Variants in SEMA6D observed in about 807,000 individuals in gnomAD.
SEMA6D encodes semaphorin-6D.
SEMA6D carries 35 observed loss-of-function variants against 106.6 expected under a neutral mutation model. That is an observed-to-expected ratio of 0.33 (90% CI 0.25 to 0.44). The LOEUF (loss-of-function observed/expected upper bound fraction) is 0.44, where lower values mean the gene tolerates loss of function less well. Ranked by LOEUF, SEMA6D falls within the 20% of genes least tolerant of loss-of-function variation. The pLI is 1.00. For synonymous variants in SEMA6D, 499 were observed against 487.7 expected (o/e 1.02, Z -0.31); for missense variants, 1,185 against 1,345.9 (o/e 0.88, Z 1.87).
chr15:47,251,647 A>T (rs1362452884), intron 1 of SEMA6D, among the ~76,000 whole-genome samples: 2 of 152,166 alleles, frequency 1.3e-5, no homozygotes, highest in Non-Finnish European at 2.9e-5. Context: ...ATAAAAGTTC[A>T]AGTCATCCAA....
intron 4 of SEMA6D, among the ~76,000 whole-genome samples, chr15:47,672,884 G>A (rs2145424928): frequency 6.6e-6 from 1 of 152,180 alleles, no homozygotes; most frequent in South Asian, 2.1e-4. Context: ...AATGATATTT[G>A]GAAATGTTCC....
intron 4 of SEMA6D, chr15:47,603,441 G>C (rs2076706072): frequency 2.0e-5 from 3 of 152,106 alleles, no homozygotes; most frequent in Admixed American, 1.3e-4. Flanking sequence ...TGTGGGAGCG[G>C]AGCAGAGAAA....
intron 4 of SEMA6D, among the ~76,000 whole-genome samples, chr15:47,712,263 A>C (rs74759441): frequency 6.6e-6 from 1 of 152,158 alleles, no homozygotes; most frequent in African/African-American, 2.4e-5. Context: ...GGGTTTTTAC[A>C]TTTATTTCCT....
intron 1 of SEMA6D, among the ~76,000 whole-genome samples, chr15:47,385,077 C>G (rs1380069842): frequency 9.8e-6 from 1 of 101,996 alleles, no homozygotes. Context: ...CCATAGAACT[C>G]ATAAGGCAGC....
chr15:47,409,816 A>G (rs2040723100), intron 1 of SEMA6D, among the ~76,000 whole-genome samples: 1 of 151,426 alleles, frequency 6.6e-6, no homozygotes, highest in African/African-American at 2.4e-5. Flanking sequence ...CAAGCCCTGG[A>G]CATGCTGGGA....
intron 1 of SEMA6D, among the ~76,000 whole-genome samples, chr15:47,289,348 C>T (rs1029697138): frequency 2.2e-5 from 3 of 134,260 alleles, no homozygotes; most frequent in Admixed American, 8.6e-5. Flanking sequence ...GGGCCAAGAT[C>T]GTGCCACTGC....
intron 1 of SEMA6D, among the ~76,000 whole-genome samples, chr15:47,394,694 T>TA (rs1313391013): frequency 2.0e-5 from 3 of 152,230 alleles, no homozygotes; most frequent in Non-Finnish European, 4.4e-5. Flanking sequence ...CAGTCTTCAC[T>TA]AGCCATTTGC....
intron 3 of SEMA6D, among the ~76,000 whole-genome samples, chr15:47,562,412 A>G (rs1334872841): frequency 1.3e-5 from 2 of 152,086 alleles, no homozygotes; most frequent in African/African-American, 2.4e-5. Context: ...TATATTCAAC[A>G]TTAAAAGCCA....
intron 1 of SEMA6D, among the ~76,000 whole-genome samples, chr15:47,375,395 C>T (rs2145493722): frequency 6.6e-6 from 1 of 152,252 alleles, no homozygotes; most frequent in African/African-American, 2.4e-5. Context: ...TCTCCCATTC[C>T]ACCTCCATTT....
rs148603066 is a variant in SEMA6D at position 47,523,684 on chromosome 15, T to A, written c.-87+53139T>A. Among the ~76,000 whole-genome samples, 13 of 152,328 alleles carry A rather than the reference T, an allele frequency of 8.5e-5. No homozygotes were observed. In the East Asian group the frequency reaches 2.3e-3, roughly 27 times the overall value. On this transcript the variant is annotated intron_variant, in intron 3 of 19. Coordinates refer to the SEMA6D transcript ENST00000558014. ...CATCTATTTTTGAAAGCCTGGTATT[T>A]GTGAGCATTCCCTTCTGTGGATCAA...
At chr15:47,365,337 A>G (rs570010733) in intron 1 of SEMA6D, among the ~76,000 whole-genome samples, 1 of 152,212 alleles carries the variant, frequency 6.6e-6, no homozygotes, top group African/African-American at 2.4e-5. Context: ...AAGTGTGAAT[A>G]ATCTTCATGT....
intron 1 of SEMA6D, among the ~76,000 whole-genome samples, chr15:47,718,091 C>T (rs957683481): frequency 2.6e-5 from 4 of 152,128 alleles, no homozygotes; most frequent in Admixed American, 2.0e-4. Flanking sequence ...TCTTGCCAGG[C>T]AGAGCCAGCT....
At chr15:47,411,240 C>T (rs1003117616) in intron 1 of SEMA6D, among the ~76,000 whole-genome samples, 6 of 152,032 alleles carry the variant, frequency 3.9e-5, no homozygotes, top group African/African-American at 1.2e-4. Context: ...GGACTACAGG[C>T]GCTTGCCACC....
At chr15:47,715,345 G>GTTTAT (rs2146146815), upstream of SEMA6D, among the ~76,000 whole-genome samples, 1 of 152,292 alleles carries the variant, frequency 6.6e-6, no homozygotes, top group Non-Finnish European at 1.5e-5. Flanking sequence ...CACAACAATG[G>GTTTAT]TAGCTGCATA....
chr15:47,244,624 A>T (rs1004766719), intron 1 of SEMA6D, among the ~76,000 whole-genome samples: 2 of 152,080 alleles, frequency 1.3e-5, no homozygotes, highest in African/African-American at 4.8e-5. Context: ...TGCCCAAGGG[A>T]CCTGACTCTG....
chr15:47,429,509 A>G (rs2041454837), intron 2 of SEMA6D, among the ~76,000 whole-genome samples: 3 of 152,108 alleles, frequency 2.0e-5, no homozygotes, highest in Admixed American at 6.6e-5. Flanking sequence ...GGTTTGCAAT[A>G]TCTTTGAGCG....
chr15:47,606,504 G>T (rs1445950516), intron 4 of SEMA6D, among the ~76,000 whole-genome samples: 1 of 152,132 alleles, frequency 6.6e-6, no homozygotes, highest in Non-Finnish European at 1.5e-5. Context: ...CCTAGCTTCA[G>T]AAGTGACATG....
intron 3 of SEMA6D, among the ~76,000 whole-genome samples, chr15:47,554,568 C>A (rs1170685301): frequency 1.3e-5 from 2 of 152,192 alleles, no homozygotes; most frequent in African/African-American, 2.4e-5. Flanking sequence ...GTTTTCCTTT[C>A]CCAAGAGAGC....
At chr15:47,421,772 A>G (rs1042025713) in intron 2 of SEMA6D, among the ~76,000 whole-genome samples, 1 of 152,072 alleles carries the variant, frequency 6.6e-6, no homozygotes, top group African/African-American at 2.4e-5. Context: ...TTGAAGGGAA[A>G]GATGAGATGA....
Sources: gnomAD v4.1 joint callset for allele counts (sites outside exome capture counted in the v4.1 genomes callset) on GRCh38, gnomAD v4.1.1 for gene constraint, MANE v1.5 for transcripts, NCBI Gene and HGNC (gene_info 2026-07-23, HGNC 2026-07-21) for gene names.